COBL: variants seen among roughly 807,000 people sequenced by gnomAD.
COBL encodes protein cordon-bleu.
A neutral mutation model predicts 98.8 loss-of-function variants in COBL; 51 were observed. The ratio of observed to expected loss-of-function variants is 0.52; its 90% CI spans 0.41 to 0.65. The LOEUF is 0.65. Among genes scored for constraint, COBL ranks in the 30% least tolerant of loss-of-function variants. The pLI is 0.00. For missense variants in COBL, 1,617 were observed against 1,617.5 expected (o/e 1.00, Z 0.01); for synonymous variants, 634 against 651.7 (o/e 0.97, Z 0.41).
At chr7:51,079,775 G>A (rs1023308831) in intron 7 of COBL, among the ~76,000 whole-genome samples, 7 of 152,232 alleles carry the variant, frequency 4.6e-5, no homozygotes, top group Admixed American at 2.0e-4. Flanking sequence ...GCCGGCTGCC[G>A]AGAGGTGGCC....
intron 6 of COBL, among the ~76,000 whole-genome samples, chr7:51,097,990 C>T (rs1022540601): frequency 1.4e-5 from 2 of 145,400 alleles, no homozygotes; most frequent in Admixed American, 1.4e-4. Context: ...CGCCACTGCA[C>T]TCCAGCCTGG....
chr7:51,202,567 C>T (rs577887538), intron 2 of COBL, among the ~76,000 whole-genome samples: 8 of 152,260 alleles, frequency 5.3e-5, no homozygotes, highest in South Asian at 2.1e-4. Context: ...GGGAGGACTA[C>T]GGTACATGGA....
rs905957613 is a variant in COBL, at chr7:51,028,142, T to C, written c.2954A>G (p.Asp985Gly). The change falls in exon 10 of 13, where the codon GAT becomes GGT. Residue 985 changes from aspartate to glycine, a missense_variant. Transcript: ENST00000265136. ...ACAGCTCTGTCCCACAGAAACACGA[T>C]CCCTCTGGGAAGACTGAACCAGTGA... is the stretch of plus-strand genomic sequence containing the variant. The part of the protein sequence containing the change: ...CFSLVQSSQR[D>G]RVSVGQSCGF... The C allele has an allele frequency of 2.5e-6, 4 of 1,614,092 alleles. No individual in the cohort carries two copies. Among genetic ancestry groups the C allele is most frequent in the South Asian group, 2.2e-5 (2 of 91,090 alleles).
intron 1 of COBL, among the ~76,000 whole-genome samples, chr7:51,300,928 G>A (rs774501548): frequency 1.3e-4 from 20 of 152,180 alleles, no homozygotes; most frequent in African/African-American, 2.2e-4. Flanking sequence ...ATGTGACTGG[G>A]TCAGGAGTGT....
At chr7:51,238,100 C>T (rs1795442741) in intron 1 of COBL, among the ~76,000 whole-genome samples, 2 of 152,250 alleles carry the variant, frequency 1.3e-5, no homozygotes, top group South Asian at 4.1e-4. Context: ...TGACAGCCAG[C>T]AGTGACCAGA....
intron 7 of COBL, among the ~76,000 whole-genome samples, chr7:51,045,046 G>A (rs1043875068): frequency 1.3e-5 from 2 of 152,174 alleles, no homozygotes; most frequent in African/African-American, 4.8e-5. Flanking sequence ...CTGCGACCTC[G>A]CTCTTCTAGT....
intron 2 of COBL, among the ~76,000 whole-genome samples, chr7:51,205,065 ATT>A (rs1329870140): frequency 2.0e-5 from 3 of 152,152 alleles, no homozygotes; most frequent in African/African-American, 7.2e-5. Context: ...AAGAATTAAT[ATT>A]GTTACAATTT....
chr7:51,068,807 C>A (rs1792229938), intron 7 of COBL, among the ~76,000 whole-genome samples: 1 of 152,198 alleles, frequency 6.6e-6, no homozygotes, highest in African/African-American at 2.4e-5. Context: ...TCCTACACTT[C>A]ACTTTGCAAT....
At chr7:51,310,788 A>C (rs1484765954) in intron 1 of COBL, among the ~76,000 whole-genome samples, 1 of 152,100 alleles carries the variant, frequency 6.6e-6, no homozygotes, top group Non-Finnish European at 1.5e-5. Context: ...CCTCCCAAGT[A>C]GCTGGGACTA....
intron 6 of COBL, among the ~76,000 whole-genome samples, chr7:51,102,376 C>T (rs1413099827): frequency 6.6e-6 from 1 of 152,108 alleles, no homozygotes. Flanking sequence ...ACATCATCCT[C>T]GAGGTCAGAA....
At chr7:51,303,452 G>A (rs574556246) in intron 1 of COBL, among the ~76,000 whole-genome samples, 2 of 152,088 alleles carry the variant, frequency 1.3e-5, no homozygotes, top group Non-Finnish European at 2.9e-5. Context: ...ATGCAGAGAC[G>A]GCCACTGGAG....
chr7:51,106,464 C>T (rs992362826), intron 6 of COBL, among the ~76,000 whole-genome samples: 4 of 152,148 alleles, frequency 2.6e-5, no homozygotes, highest in Non-Finnish European at 2.9e-5. Context: ...TGACATGTCG[C>T]CATTTCAATC....
intron 7 of COBL, among the ~76,000 whole-genome samples, chr7:51,045,272 G>A (rs868216360): frequency 1.3e-5 from 2 of 152,214 alleles, no homozygotes; most frequent in Non-Finnish European, 2.9e-5. Context: ...TCACACCCTG[G>A]TGGAGTAAGG....
intron 7 of COBL, among the ~76,000 whole-genome samples, chr7:51,048,752 T>G (rs1789964227): frequency 6.6e-6 from 1 of 152,238 alleles, no homozygotes; most frequent in African/African-American, 2.4e-5. Context: ...TTGTTTATCC[T>G]TGTGCTAATA....
At chr7:51,080,127 C>A (rs1793491272) in intron 7 of COBL, among the ~76,000 whole-genome samples, 1 of 152,100 alleles carries the variant, frequency 6.6e-6, no homozygotes, top group Non-Finnish European at 1.5e-5. Flanking sequence ...TGGGTCAAGA[C>A]CTTACAGAGG....
intron 1 of COBL, among the ~76,000 whole-genome samples, chr7:51,285,717 GT>G (rs2129181504): frequency 6.6e-6 from 1 of 152,260 alleles, no homozygotes; most frequent in South Asian, 2.1e-4. Flanking sequence ...CAGCATGGCT[GT>G]TTTTGTAGAC....
At chr7:51,296,265 T>C (rs1056946212) in intron 1 of COBL, among the ~76,000 whole-genome samples, 1 of 152,204 alleles carries the variant, frequency 6.6e-6, no homozygotes, top group Non-Finnish European at 1.5e-5. Context: ...ATTAAATAAA[T>C]CCATTTTAAA....
In COBL at chr7:51,017,083, A is replaced by G. The variant is rs1786350199; in HGVS notation, c.*468T>C. Reference sequence around the variant, plus strand: ...ACCAAAACACACAGCATCATGGAGCATATCACATTCAGATTGTTCCATCTG... The same window carrying G: ...ACCAAAACACACAGCATCATGGAGCGTATCACATTCAGATTGTTCCATCTG... On this transcript the variant is annotated 3_prime_UTR_variant, in exon 13 of 13. Transcript: ENST00000265136. 1 of 415,206 alleles carries G rather than the reference A, an allele frequency of 2.4e-6. No homozygotes were observed. Among genetic ancestry groups the G allele is most frequent in the Non-Finnish European group, 4.2e-6 (1 of 236,190 alleles). The allele number at this position is 415,206 out of a possible 1,614,324, so 25.7% of individuals were successfully genotyped here. A position where few individuals can be genotyped will look rare whatever the true frequency, so the allele number is the denominator to read the frequency against.
intron 7 of COBL, among the ~76,000 whole-genome samples, chr7:51,048,454 T>C (rs1189801324): frequency 6.6e-6 from 1 of 152,176 alleles, no homozygotes; most frequent in Non-Finnish European, 1.5e-5. Flanking sequence ...TTTAAAAATA[T>C]AAACAAAGGA....
Sources: allele counts gnomAD v4.1 joint callset (sites outside exome capture counted in the v4.1 genomes callset), GRCh38; gene constraint gnomAD v4.1.1; transcripts MANE v1.5; gene names NCBI Gene and HGNC (gene_info 2026-07-23, HGNC 2026-07-21).